The following CDH6 variants were observed in gnomAD, a reference collection of about 807,000 sequenced individuals.
CDH6 encodes cadherin 6.
CDH6 carries 31 observed loss-of-function variants against 78.0 expected under a neutral mutation model. That is an observed-to-expected ratio of 0.40 (90% CI 0.30 to 0.54). The LOEUF (loss-of-function observed/expected upper bound fraction) is 0.54, where lower values mean the gene tolerates loss of function less well. Among genes scored for constraint, CDH6 ranks in the 20% least tolerant of loss-of-function variants. The probability of loss-of-function intolerance (pLI) is 0.56; values close to 1 mark genes in which losing one functional copy is unlikely to be tolerated. For synonymous variants in CDH6, 376 were observed against 368.8 expected (o/e 1.02, Z -0.23); for missense variants, 724 against 975.9 (o/e 0.74, Z 3.44).
At chr5:31,269,516 T>C (rs1742461380) in intron 2 of CDH6, among the ~76,000 whole-genome samples, 1 of 152,168 alleles carries the variant, frequency 6.6e-6, no homozygotes, top group Admixed American at 6.5e-5. Flanking sequence ...CATGCAGCAA[T>C]GCCTACCTGG....
intron 1 of CDH6, among the ~76,000 whole-genome samples, chr5:31,220,307 G>A (rs965332984): frequency 1.3e-5 from 2 of 152,148 alleles, no homozygotes; most frequent in Admixed American, 6.5e-5. Context: ...TCAGGAAGCA[G>A]GACCAACTCC....
intron 2 of CDH6, among the ~76,000 whole-genome samples, chr5:31,289,765 G>A (rs549989299): frequency 2.0e-5 from 3 of 152,228 alleles, no homozygotes; most frequent in East Asian, 1.9e-4. Context: ...CTTCATAGAC[G>A]ACTAAAAATC....
chr5:31,283,179 G>A (rs909557823), intron 2 of CDH6, among the ~76,000 whole-genome samples: 22 of 152,184 alleles, frequency 1.4e-4, no homozygotes, highest in Non-Finnish European at 2.1e-4. Flanking sequence ...AAAGGACTCT[G>A]CTGAACATCC....
chr5:31,297,878 G>A (rs1053654008), intron 4 of CDH6, among the ~76,000 whole-genome samples: 1 of 152,168 alleles, frequency 6.6e-6, no homozygotes, highest in East Asian at 1.9e-4. Flanking sequence ...CTGCCACATT[G>A]CTGTCCCTTG....
At chr5:31,216,176 G>T (rs151000511) in intron 1 of CDH6, among the ~76,000 whole-genome samples, 61 of 151,504 alleles carry the variant, frequency 4.0e-4, no homozygotes, top group African/African-American at 1.5e-3. Context: ...TCTAAAAAAT[G>T]AAATAATTTC....
At chr5:31,237,283 G>A (rs1484897762) in intron 1 of CDH6, among the ~76,000 whole-genome samples, 1 of 152,128 alleles carries the variant, frequency 6.6e-6, no homozygotes, top group Admixed American at 6.6e-5. Flanking sequence ...ATTGCACGAG[G>A]TAAGCAAATC....
chr5:31,231,161 C>T (rs1741301586), intron 1 of CDH6, among the ~76,000 whole-genome samples: 2 of 152,134 alleles, frequency 1.3e-5, no homozygotes, highest in Admixed American at 6.5e-5. Context: ...AATGTTCAAA[C>T]TCTTTTTAAC....
chr5:31,229,063 G>A (rs572769000), intron 1 of CDH6, among the ~76,000 whole-genome samples: 9 of 152,272 alleles, frequency 5.9e-5, no homozygotes, highest in East Asian at 1.9e-4. Flanking sequence ...CTAATTACCC[G>A]TCATACTAAC....
intron 11 of CDH6, among the ~76,000 whole-genome samples, chr5:31,321,850 C>T (rs1738485126): frequency 6.6e-6 from 1 of 152,076 alleles, no homozygotes; most frequent in Non-Finnish European, 1.5e-5. Context: ...CACTTTTTGG[C>T]CTAGATGGCT....
In CDH6 at chr5:31,319,278, G is replaced by A. The variant is rs536132873; in HGVS notation, c.1882+1354G>A. On this transcript the variant is annotated intron_variant, in intron 11 of 11. Transcript: ENST00000265071. ...CCGCCTTTCATTTCCTTCCTCCCAT[G>A]AATTCACTGTCTCCTCATGACTTGT... is the stretch of plus-strand genomic sequence containing the variant. Among the ~76,000 whole-genome samples, 14 of 152,178 alleles carry A rather than the reference G, an allele frequency of 9.2e-5. No individual in the cohort carries two copies. In the South Asian group the frequency reaches 2.7e-3, roughly 29 times the overall value.
chr5:31,302,730 A>G lies in CDH6; in HGVS notation c.999+432A>G, dbSNP rs1230794346. On this transcript the variant is annotated intron_variant, in intron 6 of 11. Coordinates refer to ENST00000265071, the MANE Select transcript of CDH6 (RefSeq NM_004932.4). ...TCTGAAAAAAAAAAAAAAAGAAGAA[A>G]GAAGGAAGGAAGGAAGGAAGGAGAA... is the stretch of plus-strand genomic sequence containing the variant. Among the ~76,000 whole-genome samples, 46 of 137,910 alleles carry G rather than the reference A, an allele frequency of 3.3e-4. 1 individual carries two copies. Among genetic ancestry groups the G allele is most frequent in the African/African-American group, 1.2e-3 (45 of 38,776 alleles). The allele number at this position is 137,910 out of a possible 152,430, so 90.5% of individuals were successfully genotyped here.
chr5:31,195,168 G>A lies in CDH6; in HGVS notation c.-129+1282G>A, dbSNP rs1001886353. Reference sequence around the variant, plus strand: ...CTCTGCGAATCTTCACTTTCACTTCGTAAAGCACACAGTGGGAAAGAAGGA... The same window carrying A: ...CTCTGCGAATCTTCACTTTCACTTCATAAAGCACACAGTGGGAAAGAAGGA... On this transcript the variant is annotated intron_variant, in intron 1 of 11. Coordinates refer to ENST00000265071, the MANE Select transcript of CDH6 (RefSeq NM_004932.4). Among the ~76,000 whole-genome samples the A allele has an allele frequency of 3.9e-5, 6 of 152,098 alleles. No individual in the cohort carries two copies. In the East Asian group the frequency reaches 7.7e-4, roughly 20 times the overall value.
At position 31,239,311 on chromosome 5, in the gene CDH6, G is replaced by A. The variant is rs145866693; in HGVS notation, c.-128-28035G>A. The stretch of plus-strand genomic sequence containing the variant: ...GGCCACAGAACAAATTAGGAACACA[G>A]AAGAAATAGAAACTGGATTTCTTGG... On this transcript the variant is annotated intron_variant, in intron 1 of 11. Transcript: ENST00000265071. Among the ~76,000 whole-genome samples the A allele has an allele frequency of 5.9e-3, 891 of 152,252 alleles. 8 individuals are homozygous for A. The highest frequency in any genetic ancestry group is 0.02 in the African/African-American group (846 of 41,552).
At chr5:31,291,354 C>A (rs1280508608) in intron 2 of CDH6, among the ~76,000 whole-genome samples, 1 of 152,150 alleles carries the variant, frequency 6.6e-6, no homozygotes, top group Non-Finnish European at 1.5e-5. Flanking sequence ...AACGGTAGCA[C>A]TCTCTTAAAT....
intron 6 of CDH6, among the ~76,000 whole-genome samples, chr5:31,302,939 GAA>G (rs1490380064): frequency 7.7e-6 from 1 of 129,624 alleles, no homozygotes; most frequent in Admixed American, 8.0e-5. Context: ...AAGAAAGAAA[GAA>G]AGAAAGAAAG....
intron 1 of CDH6, among the ~76,000 whole-genome samples, chr5:31,224,281 C>T (rs1025416840): frequency 2.6e-5 from 4 of 152,084 alleles, no homozygotes; most frequent in Admixed American, 6.6e-5. Flanking sequence ...TATTCACTAT[C>T]GTGAGAAGAG....
chr5:31,275,516 G>T (rs1202413872), intron 2 of CDH6, among the ~76,000 whole-genome samples: 2 of 152,150 alleles, frequency 1.3e-5, no homozygotes, highest in Admixed American at 6.5e-5. Flanking sequence ...CATCCATGTT[G>T]TTACAAAGGA....
chr5:31,268,894 T>A (rs981684851), intron 2 of CDH6, among the ~76,000 whole-genome samples: 1 of 152,170 alleles, frequency 6.6e-6, no homozygotes, highest in Non-Finnish European at 1.5e-5. Flanking sequence ...ATGTGAATTA[T>A]TAATGTAGAA....
At chr5:31,235,727 T>C (rs913857618) in intron 1 of CDH6, among the ~76,000 whole-genome samples, 1 of 152,226 alleles carries the variant, frequency 6.6e-6, no homozygotes. Context: ...CAAACATATG[T>C]TCTGGTTTTT....
Sources: gnomAD v4.1 joint callset for allele counts (sites outside exome capture counted in the v4.1 genomes callset) on GRCh38, gnomAD v4.1.1 for gene constraint, MANE v1.5 for transcripts, NCBI Gene and HGNC (gene_info 2026-07-23, HGNC 2026-07-21) for gene names.